The following RARB variants were observed in gnomAD, a reference collection of about 807,000 sequenced individuals.
The protein encoded by RARB is retinoic acid receptor beta.
RARB carries 17 observed loss-of-function variants against 51.9 expected under a neutral mutation model. The observed-to-expected ratio is 0.33, with a 90% CI of 0.22 to 0.49. The LOEUF is 0.49. Ranked by LOEUF, RARB falls within the 20% of genes least tolerant of loss-of-function variation. The pLI, the probability that RARB is intolerant of heterozygous loss-of-function variation, is 0.99. For synonymous variants in RARB, 215 were observed against 195.4 expected, an observed-to-expected ratio of 1.10 and a Z score of -0.84; for missense variants, 369 against 550.8, an observed-to-expected ratio of 0.67 and a Z score of 3.30.
At chr3:25,203,512 G>C (rs989187732) in intron 5 of RARB, among the ~76,000 whole-genome samples, 1 of 152,192 alleles carries the variant, frequency 6.6e-6, no homozygotes, top group African/African-American at 2.4e-5. Flanking sequence ...AGTTGATGCA[G>C]TTTCTTCCTA....
intron 5 of RARB, among the ~76,000 whole-genome samples, chr3:25,335,069 A>T (rs766788905): frequency 2.4e-4 from 36 of 152,004 alleles, no homozygotes; most frequent in Admixed American, 1.6e-3. Flanking sequence ...TCCAGCCCCC[A>T]CCCATGCTGG....
rs191924081 is a variant in RARB at position 25,044,967 on chromosome 3, C to T, written c.-379-15158C>T. On this transcript the variant is annotated intron_variant, in intron 2 of 11. Transcript: ENST00000383772. ...TTTGAAGGGGGAATCATGAACCTTACAATCAAAGTCCTCCCGGCATTTTTT... is the reference window on the plus strand; with the variant it reads ...TTTGAAGGGGGAATCATGAACCTTATAATCAAAGTCCTCCCGGCATTTTTT... Among the ~76,000 whole-genome samples, 7 of 152,288 alleles carry T rather than the reference C, an allele frequency of 4.6e-5. No individual in the cohort carries two copies. The East Asian group carries it at 5.8e-4, about 13-fold the overall frequency.
chr3:25,130,278 C>T (rs1429174705), intron 3 of RARB, among the ~76,000 whole-genome samples: 1 of 152,012 alleles, frequency 6.6e-6, no homozygotes. Flanking sequence ...GTGGAAGCTG[C>T]CAAAACCCTA....
chr3:25,089,494 AG>A (rs111349218), intron 3 of RARB, among the ~76,000 whole-genome samples: 134,810 of 151,954 alleles, frequency 0.89, 60,134 homozygotes, highest in African/African-American at 0.97. Context: ...CCCAAAAAAA[AG>A]TCCCAAATTA....
intron 5 of RARB, among the ~76,000 whole-genome samples, chr3:25,289,998 T>C (rs1703747012): frequency 6.6e-6 from 1 of 152,124 alleles, no homozygotes; most frequent in African/African-American, 2.4e-5. Context: ...CTCTGGAAGG[T>C]ACTGGTAGGG....
intron 2 of RARB, among the ~76,000 whole-genome samples, chr3:24,874,119 G>A (rs765977351): frequency 4.6e-5 from 7 of 151,978 alleles, no homozygotes; most frequent in Non-Finnish European, 7.4e-5. Flanking sequence ...AGGAACTTGA[G>A]CATTCATAAA....
chr3:25,103,407 T>C (rs987126712), intron 3 of RARB, among the ~76,000 whole-genome samples: 1 of 152,214 alleles, frequency 6.6e-6, no homozygotes, highest in Non-Finnish European at 1.5e-5. Context: ...TGGTTAAAGA[T>C]GACTTATTTG....
intron 5 of RARB, among the ~76,000 whole-genome samples, chr3:25,246,413 G>T (rs1002707004): frequency 1.3e-5 from 2 of 152,084 alleles, no homozygotes; most frequent in African/African-American, 4.8e-5. Flanking sequence ...CTGGTTTTTG[G>T]AATTTTCCGC....
intron 5 of RARB, among the ~76,000 whole-genome samples, chr3:25,363,106 A>G (rs1289282079): frequency 6.6e-6 from 1 of 152,210 alleles, no homozygotes; most frequent in Non-Finnish European, 1.5e-5. Context: ...GAAGAGTGCA[A>G]AATTGGATAG....
intron 2 of RARB, among the ~76,000 whole-genome samples, chr3:24,859,320 A>G (rs1371775287): frequency 2.0e-5 from 3 of 152,112 alleles, no homozygotes; most frequent in African/African-American, 7.2e-5. Flanking sequence ...TGACTGAGAA[A>G]GTGGGAATGG....
chr3:25,509,802 C>T (rs1330020407), intron 3 of RARB, among the ~76,000 whole-genome samples: 1 of 152,172 alleles, frequency 6.6e-6, no homozygotes, highest in Non-Finnish European at 1.5e-5. Context: ...AGCTAAATCG[C>T]CACAGAGACA....
At chr3:25,301,050 A>G (rs1187740767) in intron 5 of RARB, among the ~76,000 whole-genome samples, 3 of 152,124 alleles carry the variant, frequency 2.0e-5, no homozygotes, top group South Asian at 2.1e-4. Flanking sequence ...CGACTATACA[A>G]TGAGTTTGTT....
chr3:24,909,055 C>T (rs534595363), intron 2 of RARB, among the ~76,000 whole-genome samples: 5 of 152,048 alleles, frequency 3.3e-5, no homozygotes, highest in Non-Finnish European at 5.9e-5. Flanking sequence ...GAGCTTTTTC[C>T]AAAAGGCATC....
At chr3:25,564,077 A>G (rs967548239) in intron 3 of RARB, among the ~76,000 whole-genome samples, 3 of 152,084 alleles carry the variant, frequency 2.0e-5, no homozygotes, top group Non-Finnish European at 4.4e-5. Flanking sequence ...CTGAAAATCA[A>G]TATTCCAGAT....
intron 5 of RARB, among the ~76,000 whole-genome samples, chr3:25,253,568 G>A (rs1026890669): frequency 6.6e-6 from 1 of 152,062 alleles, no homozygotes; most frequent in Non-Finnish European, 1.5e-5. Flanking sequence ...AGATAATACT[G>A]AATTTTCAAA....
At chr3:24,830,240 G>A (rs904404442) in intron 1 of RARB, among the ~76,000 whole-genome samples, 4 of 150,448 alleles carry the variant, frequency 2.7e-5, no homozygotes, top group Non-Finnish European at 5.9e-5. Flanking sequence ...AGAGGTACTT[G>A]GAATCTATGT....
At chr3:25,084,774 T>C (rs1318490931) in intron 3 of RARB, among the ~76,000 whole-genome samples, 1 of 151,520 alleles carries the variant, frequency 6.6e-6, no homozygotes, top group East Asian at 1.9e-4. Context: ...GATCTTTGGA[T>C]TTTATTTTTA....
chr3:25,458,143 C>T (rs1041396736), intron 1 of RARB, among the ~76,000 whole-genome samples: 17 of 152,174 alleles, frequency 1.1e-4, no homozygotes, highest in Admixed American at 1.1e-3. Flanking sequence ...GATAATTACA[C>T]TTCAGTAATG....
chr3:25,515,863 G>A (rs971388590), intron 3 of RARB, among the ~76,000 whole-genome samples: 3 of 152,054 alleles, frequency 2.0e-5, no homozygotes, highest in Non-Finnish European at 2.9e-5. Flanking sequence ...TTTATACCTC[G>A]GTGAAAAGGA....
Sources: allele counts gnomAD v4.1 joint callset (sites outside exome capture counted in the v4.1 genomes callset), GRCh38; gene constraint gnomAD v4.1.1; transcripts MANE v1.5; gene names NCBI Gene and HGNC (gene_info 2026-07-23, HGNC 2026-07-21).